Variants in CDH13 observed in about 807,000 individuals in gnomAD.
CDH13 encodes cadherin 13.
A neutral mutation model predicts 63.8 loss-of-function variants in CDH13; 24 were observed. The ratio of observed to expected loss-of-function variants is 0.38; its 90% CI spans 0.27 to 0.53. The LOEUF is 0.53. Ranked by LOEUF, CDH13 falls within the 20% of genes least tolerant of loss-of-function variation. The pLI, the probability that CDH13 is intolerant of heterozygous loss-of-function variation, is 0.85. For missense variants in CDH13, 1,049 were observed against 903.1 expected (o/e 1.16, Z -2.07); for synonymous variants, 503 against 355.3 (o/e 1.42, Z -4.67).
chr16:82,830,185 A>G (rs1157537212), intron 1 of CDH13, among the ~76,000 whole-genome samples: 1 of 152,206 alleles, frequency 6.6e-6, no homozygotes, highest in African/African-American at 2.4e-5. Context: ...TGAAACTTAT[A>G]ATAAAAGCCA....
At chr16:82,804,060 T>C (rs2037012792) in intron 1 of CDH13, among the ~76,000 whole-genome samples, 1 of 152,070 alleles carries the variant, frequency 6.6e-6, no homozygotes. Context: ...AAACCTTGTC[T>C]CTACTAAAAA....
At chr16:82,689,111 G>A (rs1329845557) in intron 1 of CDH13, 3 of 151,978 alleles carry the variant, frequency 2.0e-5, no homozygotes, top group African/African-American at 4.8e-5. Flanking sequence ...TATTTTTCTA[G>A]TAGGGTTAAC....
At chr16:83,290,144 C>G (rs966102055) in intron 5 of CDH13, among the ~76,000 whole-genome samples, 1 of 152,154 alleles carries the variant, frequency 6.6e-6, no homozygotes, top group Admixed American at 6.5e-5. Flanking sequence ...TGTTGCATAT[C>G]GTTTGTTCAT....
At chr16:83,166,213 C>T (rs1035905839) in intron 4 of CDH13, among the ~76,000 whole-genome samples, 3 of 152,112 alleles carry the variant, frequency 2.0e-5, no homozygotes, top group South Asian at 4.2e-4. Context: ...ATTCTTGATA[C>T]TGTAAGTGAA....
chr16:82,992,815 T>C (rs1404371705), intron 2 of CDH13, among the ~76,000 whole-genome samples: 2 of 152,176 alleles, frequency 1.3e-5, no homozygotes, highest in African/African-American at 4.8e-5. Context: ...GGGAAGAAGT[T>C]CAGAGGAACA....
chr16:82,877,846 A>G (rs187467159), intron 2 of CDH13, among the ~76,000 whole-genome samples: 27 of 150,750 alleles, frequency 1.8e-4, no homozygotes, highest in African/African-American at 5.9e-4. Flanking sequence ...GGGGCCAGGG[A>G]AGACCTGAAC....
intron 5 of CDH13, among the ~76,000 whole-genome samples, chr16:83,253,604 C>A (rs1184108246): frequency 1.3e-5 from 2 of 152,220 alleles, no homozygotes; most frequent in Non-Finnish European, 2.9e-5. Flanking sequence ...GGGTGCTTTG[C>A]AAGCCTGGTT....
intron 6 of CDH13, among the ~76,000 whole-genome samples, chr16:83,482,398 A>G (rs2073791648): frequency 6.6e-6 from 1 of 152,224 alleles, no homozygotes; most frequent in South Asian, 2.1e-4. Context: ...TGCTGCAGAG[A>G]GACACCCTCT....
chr16:82,802,746 C>T (rs1200633062), intron 1 of CDH13, among the ~76,000 whole-genome samples: 4 of 150,364 alleles, frequency 2.7e-5, no homozygotes, highest in African/African-American at 7.3e-5. Flanking sequence ...AAGTGAACAG[C>T]AACCCTTACC....
chr16:83,370,404 A>C (rs2091344032), intron 6 of CDH13, among the ~76,000 whole-genome samples: 1 of 150,498 alleles, frequency 6.6e-6, no homozygotes, highest in African/African-American at 2.5e-5. Context: ...AAAAAAAAAA[A>C]CTTCCATATT....
intron 10 of CDH13, chr16:83,717,175 GC>G (rs1456113125): frequency 2.6e-5 from 4 of 152,248 alleles, no homozygotes; most frequent in Non-Finnish European, 5.9e-5. Context: ...CAGGAGAATT[GC>G]TTGAACCCAG....
At chr16:83,388,042 A>G (rs1031660782) in intron 6 of CDH13, among the ~76,000 whole-genome samples, 2 of 152,150 alleles carry the variant, frequency 1.3e-5, no homozygotes, top group African/African-American at 4.8e-5. Flanking sequence ...AAGACCTCCT[A>G]GACATGACAC....
At chr16:83,148,205 T>C (rs1318228409) in intron 4 of CDH13, among the ~76,000 whole-genome samples, 1 of 152,200 alleles carries the variant, frequency 6.6e-6, no homozygotes, top group Non-Finnish European at 1.5e-5. Context: ...CCCAAAGTGC[T>C]GGGATTACAG....
chr16:83,540,065 AT>A (rs34129168), intron 7 of CDH13, among the ~76,000 whole-genome samples: 43,593 of 137,026 alleles, frequency 0.32, 6,609 homozygotes, highest in Non-Finnish European at 0.39. Context: ...TTGTCAATAA[AT>A]TTTTTTTTTT....
chr16:82,794,211 T>C (rs188178567), intron 1 of CDH13, among the ~76,000 whole-genome samples: 1 of 151,462 alleles, frequency 6.6e-6, no homozygotes, highest in African/African-American at 2.4e-5. Context: ...TCAGCTGTCG[T>C]TAGTGTTATT....
At chr16:82,960,332 G>A (rs967272512) in intron 2 of CDH13, among the ~76,000 whole-genome samples, 15 of 152,204 alleles carry the variant, frequency 9.9e-5, no homozygotes, top group African/African-American at 3.6e-4. Context: ...TGGGCTTGAG[G>A]ATGGTGGTTC....
chr16:83,651,376 C>G (rs1646006806), intron 8 of CDH13, among the ~76,000 whole-genome samples: 2 of 151,960 alleles, frequency 1.3e-5, no homozygotes, highest in African/African-American at 4.8e-5. Flanking sequence ...TGCTTATGTG[C>G]TGGGCATTCA....
chr16:82,885,862 G>C (rs1398837991), intron 2 of CDH13, among the ~76,000 whole-genome samples: 1 of 152,058 alleles, frequency 6.6e-6, no homozygotes, highest in Non-Finnish European at 1.5e-5. Context: ...GTTATGTCAG[G>C]ATTTAATGAT....
chr16:83,038,495 T>C (rs1250471035), intron 3 of CDH13, among the ~76,000 whole-genome samples: 1 of 152,144 alleles, frequency 6.6e-6, no homozygotes, highest in Non-Finnish European at 1.5e-5. Flanking sequence ...AGGTTAACCT[T>C]CCGTGCACAA....
Sources: gnomAD v4.1 joint callset for allele counts (sites outside exome capture counted in the v4.1 genomes callset) on GRCh38, gnomAD v4.1.1 for gene constraint, MANE v1.5 for transcripts, NCBI Gene and HGNC (gene_info 2026-07-23, HGNC 2026-07-21) for gene names.